Variants in VPS35L observed in about 807,000 individuals in gnomAD.
The protein encoded by VPS35L is VPS35 endosomal protein-sorting factor-like.
VPS35L carries 83 observed loss-of-function variants against 133.0 expected under a neutral mutation model. That is an observed-to-expected ratio of 0.62 (90% confidence interval 0.52 to 0.75). The LOEUF (loss-of-function observed/expected upper bound fraction) is 0.75, where lower values mean the gene tolerates loss of function less well. Ranked by LOEUF, VPS35L falls within the 30% of genes least tolerant of loss-of-function variation. The pLI is 0.00. For missense variants in VPS35L, 1,083 were observed against 1,206.8 expected, an observed-to-expected ratio of 0.90 and a Z score of 1.52; for synonymous variants, 423 against 449.9, an observed-to-expected ratio of 0.94 and a Z score of 0.76.
At chr16:19,614,465 G>T (rs928476917) in intron 12 of VPS35L, among the ~76,000 whole-genome samples, 1 of 152,222 alleles carries the variant, frequency 6.6e-6, no homozygotes, top group African/African-American at 2.4e-5. Flanking sequence ...AGGCTGGAGT[G>T]CAGTGGCACA....
chr16:19,694,000 A>G (rs1182491287), intron 29 of VPS35L: 1 of 152,036 alleles, frequency 6.6e-6, no homozygotes, highest in Admixed American at 6.6e-5. Context: ...ATAAAAGGGA[A>G]TAAGTTCTAA....
intron 25 of VPS35L, among the ~76,000 whole-genome samples, chr16:19,651,064 A>G (rs550975650): frequency 4.6e-5 from 7 of 152,164 alleles, no homozygotes; most frequent in Non-Finnish European, 1.0e-4. Flanking sequence ...TATTTTTAGT[A>G]GAGATGGGGG....
intron 26 of VPS35L, among the ~76,000 whole-genome samples, chr16:19,664,208 C>T (rs1324235986): frequency 6.6e-6 from 1 of 152,172 alleles, no homozygotes; most frequent in South Asian, 2.1e-4. Context: ...ATAGAGCAGT[C>T]CAAGAGTACT....
Position 19,691,378 on chromosome 16 carries a change from G to A in VPS35L, c.2553G>A (p.Gly851=). ...DKVDSNDSLY[G]GDSKFLAENN... is the part of the protein sequence containing the mutation. ...TGGACTCCAACGACAGCCTCTACGG[G>A]GGAGACTCCAAGTTCCTGGCAGAAA... The change falls in exon 29 of 31, where the codon GGG becomes GGA. Residue 851 remains glycine (G), a synonymous_variant. Transcript: ENST00000417362. The A allele has an allele frequency of 6.2e-6, 10 of 1,613,818 alleles. No homozygotes were observed. Among genetic ancestry groups the A allele is most frequent in the Non-Finnish European group, 7.6e-6 (9 of 1,179,778 alleles).
At chr16:19,634,078 T>C (rs2151571627) in intron 19 of VPS35L, among the ~76,000 whole-genome samples, 1 of 151,986 alleles carries the variant, frequency 6.6e-6, no homozygotes, top group South Asian at 2.1e-4. Context: ...TCCACACATA[T>C]ATACATGTAT....
intron 15 of VPS35L, 35 bp from the exon 16 acceptor site, chr16:19,627,659 G>T: frequency 6.7e-7 from 1 of 1,493,840 alleles, no homozygotes. Context: ...TGATTGAGGA[G>T]AAGCCAGGCT....
chr16:19,655,439 C>T (rs1051822605), intron 26 of VPS35L, among the ~76,000 whole-genome samples: 4 of 152,216 alleles, frequency 2.6e-5, no homozygotes, highest in Admixed American at 6.5e-5. Flanking sequence ...CCTCCCTAAA[C>T]ATCCTCCCCT....
chr16:19,573,109 C>A lies in VPS35L; in HGVS notation c.286-10C>A. 6.2e-7 allele frequency: 1 copy of A among 1,611,324 alleles called. No individual in the cohort carries two copies. The highest frequency in any genetic ancestry group is 8.5e-7 in the Non-Finnish European group (1 of 1,178,782). ...ATTGCTGCTGAAGAGATTATCTTGC[C>A]TTTCTTTAGGACAGCTCCAGAAGGA... On this transcript the variant is annotated splice_polypyrimidine_tract_variant and intron_variant, in intron 3 of 30. Transcript: ENST00000417362.
intron 12 of VPS35L, among the ~76,000 whole-genome samples, chr16:19,615,842 C>G (rs939552025): frequency 2.6e-5 from 4 of 151,798 alleles, no homozygotes; most frequent in African/African-American, 9.7e-5. Context: ...TGACACATGC[C>G]TGTAATTCCA....
At chr16:19,613,259 C>T (rs987085750) in intron 12 of VPS35L, among the ~76,000 whole-genome samples, 1 of 152,120 alleles carries the variant, frequency 6.6e-6, no homozygotes, top group African/African-American at 2.4e-5. Context: ...GCCAAGATCG[C>T]GCCACTGCAC....
intron 15 of VPS35L, 27 bp downstream of exon 15, chr16:19,626,250 T>C (rs1278330903): frequency 6.4e-7 from 1 of 1,571,766 alleles, no homozygotes; most frequent in Admixed American, 1.8e-5. Flanking sequence ...TCATAAAGCA[T>C]GAGTTTGAAA....
Position 19,616,191 on chromosome 16 carries a change from G to A in VPS35L, c.1101G>A (p.Gln367=), listed in dbSNP as rs749645545. The A allele has an allele frequency of 1.2e-6, 2 of 1,604,728 alleles. No homozygotes were observed. The highest frequency in any genetic ancestry group is 2.7e-5 in the African/African-American group (2 of 74,626). ...TTGACTTCCTCCTTACGTTCAAACA[G>A]GTAAGAGAACACTATCAGAATAGCT... The part of the protein sequence containing the change: ...NFFDFLLTFK[Q]IHGDTVQNQL... The change falls in exon 13 of 31, where the codon CAG becomes CAA. Residue 367 remains glutamine, a splice_region_variant and synonymous_variant. Transcript: ENST00000417362.
intron 1 of VPS35L, among the ~76,000 whole-genome samples, chr16:19,558,069 C>CA (rs112180563): frequency 0.13 from 18,806 of 144,200 alleles, 1,278 homozygotes; most frequent in Middle Eastern, 0.18. Context: ...GACTCCGTCT[C>CA]AAAAAAAAAA....
chr16:19,674,218 T>G (rs910428291), intron 27 of VPS35L, among the ~76,000 whole-genome samples: 1 of 137,846 alleles, frequency 7.3e-6, no homozygotes, highest in African/African-American at 2.8e-5. Flanking sequence ...TTGGAGAATC[T>G]TCCTCTGTCA....
chr16:19,578,585 T>A (rs1971610265), intron 5 of VPS35L: 2 of 339,782 alleles, frequency 5.9e-6, no homozygotes, highest in African/African-American at 4.3e-5. Context: ...TAGTCCTGTT[T>A]GCTCGAAGAG....
intron 15 of VPS35L, 86 bp from the exon 16 acceptor site, chr16:19,627,608 C>T: frequency 9.2e-7 from 1 of 1,081,292 alleles, no homozygotes; most frequent in Non-Finnish European, 1.4e-6. Context: ...AGCTGTTAGT[C>T]TTCCTTCCTG....
At chr16:19,586,501 A>G (rs539094665) in intron 7 of VPS35L, among the ~76,000 whole-genome samples, 318 of 152,038 alleles carry the variant, frequency 2.1e-3, no homozygotes, top group African/African-American at 7.4e-3. Context: ...TATCACGCCC[A>G]GCTAATTTTT....
chr16:19,604,100 A>G (rs927823938), intron 9 of VPS35L, among the ~76,000 whole-genome samples: 10 of 151,912 alleles, frequency 6.6e-5, no homozygotes, highest in Non-Finnish European at 1.2e-4. Flanking sequence ...AACTTGAGCC[A>G]ACAGGTGGAA....
At chr16:19,610,475 C>A in intron 12 of VPS35L, 60 bp downstream of exon 12, 1 of 1,339,318 alleles carries the variant, frequency 7.5e-7, no homozygotes, top group Non-Finnish European at 1.0e-6. Context: ...CTTGAATGTT[C>A]ACACAGGGCC....
Sources: gnomAD v4.1 joint callset for allele counts (sites outside exome capture counted in the v4.1 genomes callset) on GRCh38, gnomAD v4.1.1 for gene constraint, MANE v1.5 for transcripts, NCBI Gene and HGNC (gene_info 2026-07-23, HGNC 2026-07-21) for gene names.